ANKRD30B: variants seen among roughly 807,000 people sequenced by gnomAD.
The protein encoded by ANKRD30B is ankyrin repeat domain-containing protein 30B.
Under a neutral mutation model 202.2 loss-of-function variants are expected in ANKRD30B, and 144 were observed. That is an observed-to-expected ratio of 0.71 (90% CI 0.62 to 0.82). The LOEUF (loss-of-function observed/expected upper bound fraction) is 0.82. ANKRD30B is among the 40% of genes least tolerant of loss of function. The probability of loss-of-function intolerance (pLI) is 0.00; values close to 1 mark genes in which losing one functional copy is unlikely to be tolerated. For missense variants in ANKRD30B, 1,487 were observed against 1,669.1 expected (o/e 0.89, Z 1.90); for synonymous variants, 508 against 561.3 (o/e 0.91, Z 1.34).
intron 37 of ANKRD30B, among the ~76,000 whole-genome samples, 153 bp downstream of exon 37, chr18:14,840,831 T>C (rs2143176942): frequency 6.6e-6 from 1 of 152,298 alleles, no homozygotes; most frequent in Non-Finnish European, 1.5e-5. Context: ...TCTCAGATGT[T>C]GGCAACAGAT....
At chr18:14,887,932 T>G in the ANKRD30B span, among the ~76,000 whole-genome samples, 1 of 151,946 alleles carries the variant, frequency 6.6e-6, no homozygotes, top group African/African-American at 2.4e-5. Flanking sequence ...CAATTTTACT[T>G]TGAGGAATTA....
At chr18:14,924,418 T>C in the ANKRD30B span, among the ~76,000 whole-genome samples, 1 of 152,226 alleles carries the variant, frequency 6.6e-6, no homozygotes, top group African/African-American at 2.4e-5. Flanking sequence ...ACTAATTGAA[T>C]CATTGTTCAT....
At chr18:14,832,979 C>T (rs1316752330) in intron 34 of ANKRD30B, among the ~76,000 whole-genome samples, 1 of 152,082 alleles carries the variant, frequency 6.6e-6, no homozygotes, top group Non-Finnish European at 1.5e-5. Context: ...CTCTGTCGCC[C>T]AGGTTGTAGT....
At chr18:14,880,582 T>TTC in the ANKRD30B span, among the ~76,000 whole-genome samples, 17 of 149,762 alleles carry the variant, frequency 1.1e-4, no homozygotes, top group South Asian at 1.1e-3. Context: ...TTTTTTTTTT[T>TTC]CAGGGGGAGT....
At chr18:14,837,504 C>A (rs1420520082) in intron 35 of ANKRD30B, 111 bp from the exon 36 acceptor site, 46 of 978,180 alleles carry the variant, frequency 4.7e-5, no homozygotes, top group Non-Finnish European at 5.5e-5. Flanking sequence ...TCTATTTTTG[C>A]TATTATTTTT....
intron 39 of ANKRD30B, among the ~76,000 whole-genome samples, chr18:14,843,744 A>C (rs566224810): frequency 6.6e-6 from 1 of 152,270 alleles, no homozygotes; most frequent in East Asian, 1.9e-4. Context: ...CAGTGAGCCG[A>C]GATGGCGCCA....
chr18:14,936,734 A>C, the ANKRD30B span, among the ~76,000 whole-genome samples: 1 of 152,236 alleles, frequency 6.6e-6, no homozygotes, highest in Admixed American at 6.5e-5. Flanking sequence ...CTGAAAGCCT[A>C]CTGCTCTAGG....
chr18:14,766,623 G>A (rs966697163), intron 7 of ANKRD30B, among the ~76,000 whole-genome samples: 1 of 151,980 alleles, frequency 6.6e-6, no homozygotes, highest in African/African-American at 2.4e-5. Context: ...ATTTTCTGTA[G>A]GTAATTGGTT....
At chr18:14,804,545 C>G (rs1002118859) in intron 24 of ANKRD30B, among the ~76,000 whole-genome samples, 2 of 150,406 alleles carry the variant, frequency 1.3e-5, no homozygotes, top group African/African-American at 4.9e-5. Context: ...TCAGGCGATG[C>G]TGATGCTGGT....
At chr18:14,902,200 A>G in the ANKRD30B span, among the ~76,000 whole-genome samples, 1 of 152,130 alleles carries the variant, frequency 6.6e-6, no homozygotes, top group African/African-American at 2.4e-5. Flanking sequence ...CCCACAACAT[A>G]TGGGAATTAC....
At chr18:14,793,486 C>T (rs1407614279) in intron 16 of ANKRD30B, among the ~76,000 whole-genome samples, 15 of 151,726 alleles carry the variant, frequency 9.9e-5, no homozygotes, top group Admixed American at 8.5e-4. Context: ...TCAGCGTATA[C>T]ATATTGGCAT....
intron 39 of ANKRD30B, among the ~76,000 whole-genome samples, chr18:14,843,553 CTGTG>C (rs56044501): frequency 0.016 from 2,392 of 145,352 alleles, 59 homozygotes; most frequent in African/African-American, 0.048. Context: ...AGCTTACTTT[CTGTG>C]TGTGTGTGTG....
In ANKRD30B at chr18:14,840,596, T is replaced by C. The variant is rs373640184; in HGVS notation, c.2997T>C (p.Ser999=). The change falls in exon 37 of 44, where the codon TCT becomes TCC. Residue 999 remains serine (S), a synonymous_variant. Transcript: ENST00000690538. ...AATATTATCTTTAACAGATTATCTCTGTGAGTGATACACAGAATTATGAGT... is the reference window on the plus strand; with the variant it reads ...AATATTATCTTTAACAGATTATCTCCGTGAGTGATACACAGAATTATGAGT... ...TKSTSDSEII[S]VSDTQNYECL... The C allele has an allele frequency of 1.1e-5, 16 of 1,461,388 alleles. No individual in the cohort carries two copies. Among genetic ancestry groups the C allele is most frequent in the Non-Finnish European group, 1.4e-5 (15 of 1,088,548 alleles). The allele number at this position is 1,461,388 out of a possible 1,614,324, so 90.5% of individuals were successfully genotyped here. A position where few individuals can be genotyped will look rare whatever the true frequency, so the allele number is the denominator to read the frequency against.
chr18:14,838,613 A>G (rs976919600), intron 36 of ANKRD30B, among the ~76,000 whole-genome samples: 40 of 152,304 alleles, frequency 2.6e-4, no homozygotes, highest in African/African-American at 8.4e-4. Context: ...CAAGGTCACA[A>G]CTGTGGATGT....
At chr18:14,876,215 G>A in the ANKRD30B span, among the ~76,000 whole-genome samples, 1 of 151,510 alleles carries the variant, frequency 6.6e-6, no homozygotes, top group African/African-American at 2.4e-5. Flanking sequence ...CACCTTCCCA[G>A]CTTTGCCACA....
At chr18:14,776,581 G>A (rs1260569291) in intron 9 of ANKRD30B, among the ~76,000 whole-genome samples, 1 of 152,176 alleles carries the variant, frequency 6.6e-6, no homozygotes, top group East Asian at 1.9e-4. Flanking sequence ...CTAGCATGCA[G>A]AAAGTGGGGT....
the ANKRD30B span, among the ~76,000 whole-genome samples, chr18:14,906,583 A>G: frequency 6.6e-6 from 1 of 152,226 alleles, no homozygotes; most frequent in Non-Finnish European, 1.5e-5. Context: ...CATATAAAGA[A>G]AAGTCTTTCA....
chr18:14,916,759 A>G, the ANKRD30B span, among the ~76,000 whole-genome samples: 1 of 152,210 alleles, frequency 6.6e-6, no homozygotes, highest in Non-Finnish European at 1.5e-5. Flanking sequence ...GGCCAACAAG[A>G]ATGATAGCTA....
chr18:14,926,923 T>TTGTGTGTGTG, the ANKRD30B span, among the ~76,000 whole-genome samples: 1 of 147,670 alleles, frequency 6.8e-6, no homozygotes, highest in African/African-American at 2.5e-5. Context: ...TGAGCAAGGG[T>TTGTGTGTGTG]TGTGTGTGTG....
Sources: allele counts gnomAD v4.1 joint callset (sites outside exome capture counted in the v4.1 genomes callset), GRCh38; gene constraint gnomAD v4.1.1; transcripts MANE v1.5; gene names NCBI Gene and HGNC (gene_info 2026-07-23, HGNC 2026-07-21).